The following CEP43 variants were observed in gnomAD, a reference collection of about 807,000 sequenced individuals.
CEP43 encodes the protein centrosomal protein 43, also known as FGFR1 oncogene partner.
A neutral mutation model predicts 52.6 loss-of-function variants in CEP43; 36 were observed. The ratio of observed to expected loss-of-function variants is 0.68; its 90% confidence interval spans 0.52 to 0.90. The LOEUF is 0.90. CEP43 is among the 40% of genes least tolerant of loss of function. The pLI is 0.00. For missense variants in CEP43, 506 were observed against 472.8 expected, an observed-to-expected ratio of 1.07 and a Z score of -0.65; for synonymous variants, 192 against 172.4, an observed-to-expected ratio of 1.11 and a Z score of -0.89.
In CEP43 at chr6:167,044,355, C is replaced by T. The variant is rs1780760338; in HGVS notation, c.*4377C>T. On this transcript the variant is annotated 3_prime_UTR_variant, in exon 13 of 13. Transcript: ENST00000366847. ...GTAGCAGGGCTGAATAATGGGATGA[C>T]TCAAAATCAGTAAGCTCAAAGGCAA... 1.0e-6 allele frequency: 1 copy of T among 980,610 alleles called. No homozygotes were observed. Among genetic ancestry groups the T allele is most frequent in the Non-Finnish European group, 1.2e-6 (1 of 825,710 alleles). 60.7% of individuals were successfully genotyped at this position (980,610 alleles called of 1,614,324 possible). A position where few individuals can be genotyped will look rare whatever the true frequency, so the allele number is the denominator to read the frequency against.
chr6:167,011,819 G>A (rs539333204), intron 6 of CEP43: 4 of 152,432 alleles, frequency 2.6e-5, no homozygotes, highest in Admixed American at 1.3e-4. Flanking sequence ...GCTCTCTGGG[G>A]TCAGGGCCCT....
chr6:167,030,947 A>G (rs947169858), intron 10 of CEP43, among the ~76,000 whole-genome samples: 74 of 151,878 alleles, frequency 4.9e-4, no homozygotes, highest in African/African-American at 1.7e-3. Flanking sequence ...GCTTCTGCCA[A>G]CCCTTCTGAT....
chr6:167,036,367 G>C, intron 12 of CEP43: 1 of 985,390 alleles, frequency 1.0e-6, no homozygotes. Flanking sequence ...GGAGGAGCAG[G>C]GTTGTTAGAA....
In CEP43 at chr6:167,042,350, T is replaced by C. The variant is rs969898036; in HGVS notation, c.*2372T>C. The stretch of plus-strand genomic sequence containing the variant: ...ATGTTTTACAGTGGAGTTTTAAAAA[T>C]GCTAGGTCTTTCTTTCATTTTATTG... On this transcript the variant is annotated 3_prime_UTR_variant, in exon 13 of 13. Coordinates refer to ENST00000366847, the MANE Select transcript of CEP43 (RefSeq NM_007045.4). The C allele has an allele frequency of 2.0e-6, 2 of 976,858 alleles. No homozygotes were observed. The highest frequency in any genetic ancestry group is 2.5e-6 in the Non-Finnish European group (2 of 815,826). The allele number at this position is 976,858 out of a possible 1,614,324, so 60.5% of individuals were successfully genotyped here.
At chr6:167,026,696 C>G (rs1402735837) in intron 10 of CEP43, 81 bp downstream of exon 10, 1 of 816,244 alleles carries the variant, frequency 1.2e-6, no homozygotes, top group Non-Finnish European at 2.1e-6. Flanking sequence ...GTGACTCCGT[C>G]TGCCTACGCT....
rs1163323747 is a variant in CEP43, at chr6:167,003,598, A to G, written c.212-125A>G. 4.9e-6 allele frequency: 3 copies of G among 617,676 alleles called. No individual in the cohort carries two copies. The East Asian group carries it at 8.3e-5, about 17-fold the overall frequency. 38.3% of individuals were successfully genotyped at this position (617,676 alleles called of 1,614,324 possible). A position where few individuals can be genotyped will look rare whatever the true frequency, so the allele number is the denominator to read the frequency against. On this transcript the variant is annotated intron_variant, in intron 3 of 12. Coordinates refer to ENST00000366847, the MANE Select transcript of CEP43 (RefSeq NM_007045.4). ...ACTTAATCATATTATTCAAAGAGGA[A>G]ATTTGTAACTTAAAAAATTTAGAAA...
At position 167,005,853 on chromosome 6, in the gene CEP43, G is replaced by A. The variant is rs112245448; in HGVS notation, c.438+1452G>A. ...GAAGAACTCTCTTCTCTTTCTAACT[G>A]CCCTTTCATTTTCTTTTCTGTTTAG... On this transcript the variant is annotated intron_variant, in intron 5 of 12. Transcript: ENST00000366847. 3.9e-5 allele frequency among the ~76,000 whole-genome samples: 6 copies of A among 152,152 alleles called. 1 individual carries two copies. Among genetic ancestry groups the A allele is most frequent in the African/African-American group, 1.4e-4 (6 of 41,486 alleles).
intron 7 of CEP43, among the ~76,000 whole-genome samples, chr6:167,018,088 G>GT (rs1487155376): frequency 6.6e-6 from 1 of 152,130 alleles, no homozygotes; most frequent in Non-Finnish European, 1.5e-5. Flanking sequence ...TGTTTGGCTT[G>GT]TAGATGGATT....
chr6:167,024,886 A>G lies in CEP43; in HGVS notation c.911A>G (p.Asp304Gly). The G allele has an allele frequency of 6.3e-7, 1 of 1,586,230 alleles. No homozygotes were observed. Among genetic ancestry groups the G allele is most frequent in the Non-Finnish European group, 8.6e-7 (1 of 1,157,032 alleles). The part of the protein sequence containing the change: ...SSLAGAPSLK[D>G]SESKRGNTVL... ...CTGGCGGGAGCCCCTTCTTTAAAAG[A>G]CTCTGAGAGTAAGTGCCCAAAGATG... Residue 304 changes from aspartate (D) to glycine (G), a missense_variant, in exon 9 of 13, where the codon GAC becomes GGC. Coordinates refer to ENST00000366847, the MANE Select transcript of CEP43 (RefSeq NM_007045.4).
chr6:167,021,781 C>G (rs1780237316), intron 7 of CEP43, among the ~76,000 whole-genome samples: 1 of 152,010 alleles, frequency 6.6e-6, no homozygotes, highest in Non-Finnish European at 1.5e-5. Context: ...GGAAGTTACC[C>G]TGGAAGTTAG....
intron 2 of CEP43, among the ~76,000 whole-genome samples, chr6:167,001,748 C>A (rs1039236870): frequency 6.6e-6 from 1 of 151,226 alleles, no homozygotes; most frequent in South Asian, 2.1e-4. Flanking sequence ...TCTGAAGTGT[C>A]CCCAAGGGAG....
chr6:167,039,548 G>A (rs1191809395), intron 12 of CEP43, among the ~76,000 whole-genome samples: 1 of 152,222 alleles, frequency 6.6e-6, no homozygotes, highest in African/African-American at 2.4e-5. Context: ...ATTCGGAATT[G>A]TGCTGCTGTA....
intron 12 of CEP43, chr6:167,036,779 T>C: frequency 5.1e-6 from 5 of 984,886 alleles, no homozygotes; most frequent in Non-Finnish European, 6.0e-6. Context: ...TAAGGAGGCA[T>C]GAAAGCCGCC....
intron 8 of CEP43, among the ~76,000 whole-genome samples, chr6:167,023,991 G>T (rs1258691508): frequency 6.6e-6 from 1 of 152,024 alleles, no homozygotes; most frequent in Non-Finnish European, 1.5e-5. Flanking sequence ...AACGTGTTTA[G>T]GTGGGAGAAA....
intron 10 of CEP43, among the ~76,000 whole-genome samples, chr6:167,029,781 G>A (rs946826728): frequency 1.3e-5 from 2 of 152,214 alleles, no homozygotes; most frequent in Non-Finnish European, 2.9e-5. Context: ...GGCTGAGTCC[G>A]AAAAGAGAGT....
chr6:167,014,203 CTA>C (rs1780045066), intron 7 of CEP43, among the ~76,000 whole-genome samples: 1 of 152,176 alleles, frequency 6.6e-6, no homozygotes, highest in Non-Finnish European at 1.5e-5. Context: ...GAACATCAAA[CTA>C]TTTTTTTGAA....
In CEP43 at chr6:167,022,419, A is replaced by T. The variant is rs1249727926; in HGVS notation, c.590A>T (p.Asp197Val). The part of the protein sequence containing the change: ...GQKAGDKKAN[D>V]EANQSDTSVS... ...TCCCTCTCTTTCTAGAAGGCCAATG[A>T]TGAGGCCAATCAGAGTGATACAAGT... Residue 197 changes from aspartate (D) to valine (V), a missense_variant, in exon 8 of 13, where the codon GAT becomes GTT. Coordinates refer to ENST00000366847, the MANE Select transcript of CEP43 (RefSeq NM_007045.4). The T allele has an allele frequency of 9.3e-6, 15 of 1,612,522 alleles. No individual in the cohort carries two copies. The highest frequency in any genetic ancestry group is 1.3e-5 in the Non-Finnish European group (15 of 1,178,642).
At chr6:166,999,747 C>T (rs1026159757) in intron 1 of CEP43, 27 of 507,870 alleles carry the variant, frequency 5.3e-5, no homozygotes, top group Non-Finnish European at 9.2e-5. Flanking sequence ...GGCCCATCCC[C>T]TGCCTCATTC....
intron 1 of CEP43, 81 bp downstream of exon 1, chr6:166,999,595 G>A (rs973295010): frequency 5.7e-6 from 6 of 1,059,470 alleles, no homozygotes; most frequent in Admixed American, 4.1e-5. Context: ...TCGCGGCGAG[G>A]AGGCCGCCTC....
Sources: gnomAD v4.1 joint callset for allele counts (sites outside exome capture counted in the v4.1 genomes callset) on GRCh38, gnomAD v4.1.1 for gene constraint, MANE v1.5 for transcripts, NCBI Gene and HGNC (gene_info 2026-07-23, HGNC 2026-07-21) for gene names.